Variants in TM9SF3 observed in about 807,000 individuals in gnomAD.
TM9SF3 encodes SM-11044-binding protein.
A neutral mutation model predicts 78.6 loss-of-function variants in TM9SF3; 14 were observed. That is an observed-to-expected ratio of 0.18 (90% confidence interval 0.12 to 0.28). The LOEUF (loss-of-function observed/expected upper bound fraction) is 0.28. Ranked by LOEUF, TM9SF3 falls within the 10% of genes least tolerant of loss-of-function variation. The pLI is 1.00. For missense variants in TM9SF3, 496 were observed against 721.9 expected, an observed-to-expected ratio of 0.69 and a Z score of 3.59; for synonymous variants, 231 against 241.7, an observed-to-expected ratio of 0.96 and a Z score of 0.41.
chr10:96,586,692 G>T, intron 1 of TM9SF3, 42 bp downstream of exon 1: 1 of 1,213,904 alleles, frequency 8.2e-7, no homozygotes, highest in Non-Finnish European at 1.0e-6. Context: ...TGGGCAACTG[G>T]GGAGCTAGCC....
At chr10:96,565,530 T>C (rs746706670) in intron 2 of TM9SF3, 104 bp from the exon 3 acceptor site, 91 of 1,312,032 alleles carry the variant, frequency 6.9e-5, no homozygotes, top group Non-Finnish European at 8.9e-5. Context: ...AGTTAAAATT[T>C]CTATTCACAA....
At chr10:96,583,759 C>T (rs1415606696) in intron 1 of TM9SF3, among the ~76,000 whole-genome samples, 1 of 152,208 alleles carries the variant, frequency 6.6e-6, no homozygotes, top group Non-Finnish European at 1.5e-5. Flanking sequence ...GCCAGCAGGG[C>T]ATGGTGGCTC....
At chr10:96,586,592 T>A (rs1009950850) in intron 1 of TM9SF3, 142 bp downstream of exon 1, 9 of 643,074 alleles carry the variant, frequency 1.4e-5, no homozygotes, top group Non-Finnish European at 1.3e-5. Context: ...AGGTTCCTGC[T>A]CCGCCAGGCC....
At chr10:96,559,794 G>A in intron 4 of TM9SF3, 58 bp from the exon 5 acceptor site, 2 of 1,020,396 alleles carry the variant, frequency 2.0e-6, no homozygotes, top group Non-Finnish European at 1.4e-6. Flanking sequence ...ATAATCTGAT[G>A]ACAAAACTCT....
At chr10:96,537,895 T>C (rs1847979055) in intron 9 of TM9SF3, among the ~76,000 whole-genome samples, 1 of 152,152 alleles carries the variant, frequency 6.6e-6, no homozygotes, top group African/African-American at 2.4e-5. Flanking sequence ...ATTAAAGGTA[T>C]CTAAATAAGT....
chr10:96,522,409 T>G, intron 14 of TM9SF3, 79 bp from the exon 15 acceptor site: 1 of 1,103,944 alleles, frequency 9.1e-7, no homozygotes, highest in Non-Finnish European at 1.3e-6. Context: ...AAATACTCTA[T>G]GCTCTGGAAA....
chr10:96,565,263 G>A, intron 3 of TM9SF3, 41 bp downstream of exon 3: 1 of 1,456,588 alleles, frequency 6.9e-7, no homozygotes, highest in Non-Finnish European at 9.0e-7. Flanking sequence ...TTCTGATTAT[G>A]CAAATTTTCC....
intron 9 of TM9SF3, among the ~76,000 whole-genome samples, chr10:96,537,879 AG>A (rs1450196026): frequency 8.5e-5 from 13 of 152,224 alleles, no homozygotes; most frequent in Admixed American, 2.0e-4. Flanking sequence ...AACGTTGCTG[AG>A]AAAAATTAAA....
chr10:96,569,211 GA>G (rs1254597224), intron 2 of TM9SF3, among the ~76,000 whole-genome samples: 8 of 152,280 alleles, frequency 5.3e-5, no homozygotes, highest in Admixed American at 2.6e-4. Context: ...TATATTCACA[GA>G]AAGTGTTCTT....
intron 1 of TM9SF3, among the ~76,000 whole-genome samples, chr10:96,583,079 T>G (rs962713229): frequency 1.3e-5 from 1 of 75,936 alleles, no homozygotes; most frequent in South Asian, 3.8e-4. Context: ...AAACATAGTC[T>G]CAAAAAAAAA....
At chr10:96,568,367 G>C (rs77840534) in intron 2 of TM9SF3, among the ~76,000 whole-genome samples, 1,908 of 152,286 alleles carry the variant, frequency 0.013, 74 homozygotes, top group East Asian at 0.076. Context: ...ACACATCCAT[G>C]AATTCTGAAA....
At chr10:96,539,632 G>T (rs1042001333) in intron 9 of TM9SF3, among the ~76,000 whole-genome samples, 20 of 152,130 alleles carry the variant, frequency 1.3e-4, no homozygotes, top group African/African-American at 4.6e-4. Context: ...AAGTGTGTGT[G>T]TGTCTATGGG....
In TM9SF3 at chr10:96,566,714, A is replaced by G. The variant is rs368317081; in HGVS notation, c.299-1288T>C. 7.2e-5 allele frequency among the ~76,000 whole-genome samples: 11 copies of G among 152,276 alleles called. No homozygotes were observed. In the East Asian group the frequency reaches 1.7e-3, roughly 24 times the overall value. On this transcript the variant is annotated intron_variant, in intron 2 of 14. Transcript: ENST00000371142. ...AAACAAACAAACAACAACAAAAAAA[A>G]CCCTGAGGCTGAGCAGTGAAGCAAC...
chr10:96,521,720 G>C lies in TM9SF3; in HGVS notation c.*543C>G, dbSNP rs1847776888. On this transcript the variant is annotated 3_prime_UTR_variant, in exon 15 of 15. Coordinates refer to ENST00000371142, the MANE Select transcript of TM9SF3 (RefSeq NM_020123.4). ...TCTTTTAAAAAAAAGGATGCTGTTG[G>C]ATTGGGAAAAAAAAAAAGTCAAAAA... is the stretch of plus-strand genomic sequence containing the variant. 2.4e-5 allele frequency: 2 copies of C among 84,018 alleles called. No homozygotes were observed. The highest frequency in any genetic ancestry group is 5.4e-5 in the Non-Finnish European group (2 of 36,860). The allele number at this position is 84,018 out of a possible 1,614,324, so 5.2% of individuals were successfully genotyped here. A position where few individuals can be genotyped will look rare whatever the true frequency, so the allele number is the denominator to read the frequency against.
At position 96,586,810 on chromosome 10, in the gene TM9SF3, C is replaced by A; in HGVS notation, c.26G>T (p.Gly9Val). The A allele has an allele frequency of 7.9e-7, 1 of 1,269,550 alleles. No individual in the cohort carries two copies. The highest frequency in any genetic ancestry group is 9.9e-7 in the Non-Finnish European group (1 of 1,007,076). The allele number at this position is 1,269,550 out of a possible 1,614,324, so 78.6% of individuals were successfully genotyped here. A position where few individuals can be genotyped will look rare whatever the true frequency, so the allele number is the denominator to read the frequency against. Residue 9 changes from glycine (G) to valine (V), a missense_variant, in exon 1 of 15, where the codon GGC becomes GTC. Transcript: ENST00000371142. ...CCACAGCGCGGCGGCCGCCGCCACGCCAAGAGCGCCAGGCAGCGGCCTCAT... is the reference window on the plus strand; with the variant it reads ...CCACAGCGCGGCGGCCGCCGCCACGACAAGAGCGCCAGGCAGCGGCCTCAT... MRPLPGAL[G>V]VAAAAALWLL...
intron 2 of TM9SF3, among the ~76,000 whole-genome samples, chr10:96,573,115 C>G (rs1452665758): frequency 2.0e-5 from 3 of 152,100 alleles, no homozygotes; most frequent in Admixed American, 6.5e-5. Context: ...TTTGAATATG[C>G]CTTCAGAAGA....
chr10:96,552,390 A>G (rs1020568197), intron 6 of TM9SF3, among the ~76,000 whole-genome samples: 5 of 152,162 alleles, frequency 3.3e-5, no homozygotes, highest in Non-Finnish European at 4.4e-5. Context: ...TTGAAGTTAC[A>G]GTGAGCTATG....
At chr10:96,542,010 AT>A (rs1848039849) in intron 9 of TM9SF3, among the ~76,000 whole-genome samples, 1 of 152,232 alleles carries the variant, frequency 6.6e-6, no homozygotes, top group Non-Finnish European at 1.5e-5. Flanking sequence ...GAGCATTAAA[AT>A]TTTTTAAATC....
intron 5 of TM9SF3, among the ~76,000 whole-genome samples, 157 bp from the exon 6 acceptor site, chr10:96,553,216 G>A (rs562631663): frequency 6.6e-6 from 1 of 152,252 alleles, no homozygotes; most frequent in Middle Eastern, 3.4e-3. Context: ...TTGAGGATGA[G>A]TATTCATTAT....
Sources: allele counts gnomAD v4.1 joint callset (sites outside exome capture counted in the v4.1 genomes callset), GRCh38; gene constraint gnomAD v4.1.1; transcripts MANE v1.5; gene names NCBI Gene and HGNC (gene_info 2026-07-23, HGNC 2026-07-21).